Variants in ZNF395 observed in about 807,000 individuals in gnomAD.
ZNF395 encodes zinc finger protein 395.
A neutral mutation model predicts 57.7 loss-of-function variants in ZNF395; 20 were observed. That is an observed-to-expected ratio of 0.35 (90% CI 0.24 to 0.50). The LOEUF (loss-of-function observed/expected upper bound fraction) is 0.50, where lower values mean the gene tolerates loss of function less well. Among genes scored for constraint, ZNF395 ranks in the 20% least tolerant of loss-of-function variants. The pLI is 0.97. For synonymous variants in ZNF395, 295 were observed against 275.9 expected (o/e 1.07, Z -0.69); for missense variants, 606 against 671.2 (o/e 0.90, Z 1.07).
chr8:28,381,186 C>T (rs968663413), intron 1 of ZNF395, among the ~76,000 whole-genome samples: 1 of 152,216 alleles, frequency 6.6e-6, no homozygotes, highest in South Asian at 2.1e-4. Context: ...GGACTACAGG[C>T]GCCCACCACC....
chr8:28,355,539 A>G (rs1290214561), intron 4 of ZNF395, among the ~76,000 whole-genome samples: 1 of 151,930 alleles, frequency 6.6e-6, no homozygotes, highest in Non-Finnish European at 1.5e-5. Flanking sequence ...TTGTGTATGC[A>G]TGTATTATAC....
At chr8:28,382,865 A>G (rs1405413505) in intron 1 of ZNF395, among the ~76,000 whole-genome samples, 1 of 152,248 alleles carries the variant, frequency 6.6e-6, no homozygotes, top group Non-Finnish European at 1.5e-5. Flanking sequence ...GAGGTTTTTA[A>G]ATGAAAAATA....
chr8:28,369,137 AT>A (rs571228550), intron 1 of ZNF395, among the ~76,000 whole-genome samples: 15,911 of 136,708 alleles, frequency 0.12, 896 homozygotes, highest in East Asian at 0.3. Context: ...TGCCTGGCCA[AT>A]TTTTTTTTTT....
At chr8:28,363,718 T>G (rs1323472099) in intron 1 of ZNF395, among the ~76,000 whole-genome samples, 1 of 152,108 alleles carries the variant, frequency 6.6e-6, no homozygotes, top group Non-Finnish European at 1.5e-5. Flanking sequence ...GAAGAAAGGG[T>G]AGTATTTCCC....
At position 28,361,002 on chromosome 8, in the gene ZNF395, G is replaced by A. The variant is rs368064690; in HGVS notation, c.123C>T (p.Ala41=). 32 of 1,611,272 alleles carry A rather than the reference G, an allele frequency of 2.0e-5. No homozygotes were observed. The African/African-American group carries it at 2.4e-4, about 12-fold the overall frequency. Reference sequence around the variant, plus strand: ...CAGAGGTGGTGAAAGGCTGGGGAGCGGCCCCTTCTAGCAGTGGCTCCGAGG... The same window carrying A: ...CAGAGGTGGTGAAAGGCTGGGGAGCAGCCCCTTCTAGCAGTGGCTCCGAGG... ...APPSEPLLEG[A]APQPFTTSDD... The change falls in exon 2 of 10, where the codon GCC becomes GCT. Residue 41 remains alanine (A), a synonymous_variant. Transcript: ENST00000344423.
At chr8:28,376,330 C>T (rs1294360935) in intron 1 of ZNF395, among the ~76,000 whole-genome samples, 2 of 151,920 alleles carry the variant, frequency 1.3e-5, no homozygotes, top group Non-Finnish European at 2.9e-5. Flanking sequence ...TCATATTTTG[C>T]TTTTTTTAAA....
Position 28,352,512 on chromosome 8 carries a change from C to G in ZNF395, c.920+61G>C. On this transcript the variant is annotated intron_variant, in intron 6 of 9. Transcript: ENST00000344423. This position sits in a 1 kb window ranked among gnomAD's most constrained non-coding sequence, Gnocchi z 4.0. ...CTGTGGGCTGTGGGTCACAGGGACTCGGCAGGGTGGAGGGACACCCACACG... is the reference window on the plus strand; with the variant it reads ...CTGTGGGCTGTGGGTCACAGGGACTGGGCAGGGTGGAGGGACACCCACACG... 6.8e-7 allele frequency: 1 copy of G among 1,476,318 alleles called. No individual in the cohort carries two copies. The highest frequency in any genetic ancestry group is 2.3e-5 in the East Asian group (1 of 44,238). The allele number at this position is 1,476,318 out of a possible 1,614,324, so 91.5% of individuals were successfully genotyped here.
rs532906296 is a variant in ZNF395 at position 28,359,896 on chromosome 8, C to A, written c.241-72G>T. 2 of 1,539,742 alleles carry A rather than the reference C, an allele frequency of 1.3e-6. No individual in the cohort carries two copies. Among genetic ancestry groups the A allele is most frequent in the East Asian group, 4.6e-5 (2 of 43,452 alleles). ...CGCCCTGAAGTTCTCATGCACCCCACGTCCCAGGAGCCAGGATCTGCCTGC... is the reference window on the plus strand; with the variant it reads ...CGCCCTGAAGTTCTCATGCACCCCAAGTCCCAGGAGCCAGGATCTGCCTGC... On this transcript the variant is annotated intron_variant, in intron 2 of 9. Coordinates refer to ENST00000344423, the MANE Select transcript of ZNF395 (RefSeq NM_018660.3). The surrounding 1 kb of genome is among the most constrained non-coding windows in gnomAD (Gnocchi z 4.7).
At chr8:28,361,688 T>C (rs971191719) in intron 1 of ZNF395, among the ~76,000 whole-genome samples, 5 of 152,224 alleles carry the variant, frequency 3.3e-5, no homozygotes, top group African/African-American at 1.2e-4. Flanking sequence ...ACGGCTTCCG[T>C]AGGGCAACTT....
chr8:28,378,367 G>C lies in ZNF395; in HGVS notation c.-59+8026C>G, dbSNP rs1300038325. ...TGAGCCTCCGACATCAGCCTCCTAA[G>C]AGCTGGGACCATGGGCAGGTGTACC... On this transcript the variant is annotated intron_variant, in intron 1 of 9. Transcript: ENST00000344423. 2.0e-5 allele frequency among the ~76,000 whole-genome samples: 3 copies of C among 152,130 alleles called. No individual in the cohort carries two copies. In the East Asian group the frequency reaches 5.8e-4, roughly 29 times the overall value.
intron 1 of ZNF395, among the ~76,000 whole-genome samples, chr8:28,373,242 C>T (rs1801998170): frequency 1.3e-5 from 2 of 152,234 alleles, no homozygotes; most frequent in South Asian, 4.1e-4. Context: ...CACAACCGGC[C>T]ACAAAGCTGT....
rs1801728653 is a variant in ZNF395 at position 28,352,518 on chromosome 8, G to A, written c.920+55C>T. Reference sequence around the variant, plus strand: ...GCTGTGGGTCACAGGGACTCGGCAGGGTGGAGGGACACCCACACGCGACCC... The same window carrying A: ...GCTGTGGGTCACAGGGACTCGGCAGAGTGGAGGGACACCCACACGCGACCC... On this transcript the variant is annotated intron_variant, in intron 6 of 9. Transcript: ENST00000344423. The surrounding 1 kb of genome is among the most constrained non-coding windows in gnomAD (Gnocchi z 4.0). 2.6e-6 allele frequency: 4 copies of A among 1,509,836 alleles called. No individual in the cohort carries two copies. The highest frequency in any genetic ancestry group is 3.7e-6 in the Non-Finnish European group (4 of 1,088,902). The allele number at this position is 1,509,836 out of a possible 1,614,324, so 93.5% of individuals were successfully genotyped here.
intron 3 of ZNF395, among the ~76,000 whole-genome samples, chr8:28,357,678 C>G (rs909422578): frequency 2.0e-5 from 3 of 152,216 alleles, no homozygotes; most frequent in African/African-American, 7.2e-5. Context: ...TTTGTATGAT[C>G]TTTGAATTTT....
At chr8:28,379,592 G>A (rs768971288) in intron 1 of ZNF395, among the ~76,000 whole-genome samples, 41 of 152,090 alleles carry the variant, frequency 2.7e-4, no homozygotes, top group Non-Finnish European at 4.6e-4. Context: ...AAATCCCAAC[G>A]CTTTTTTTCT....
intron 7 of ZNF395, among the ~76,000 whole-genome samples, chr8:28,350,421 A>C (rs1801667517): frequency 6.6e-6 from 1 of 152,168 alleles, no homozygotes; most frequent in Non-Finnish European, 1.5e-5. Context: ...CTCATGACTT[A>C]ATCACCGCAG....
At chr8:28,358,873 G>C (rs935467015) in intron 3 of ZNF395, among the ~76,000 whole-genome samples, 1 of 152,210 alleles carries the variant, frequency 6.6e-6, no homozygotes, top group Non-Finnish European at 1.5e-5. Context: ...TGGCTGTTTG[G>C]ACACCACAGC....
chr8:28,351,396 G>C, intron 7 of ZNF395, 99 bp downstream of exon 7: 2 of 1,372,440 alleles, frequency 1.5e-6, no homozygotes, highest in Non-Finnish European at 2.0e-6. Context: ...TTTGGCCAAA[G>C]GGCTCAGCCT....
chr8:28,363,728 C>G (rs1030192272), intron 1 of ZNF395, among the ~76,000 whole-genome samples: 1 of 152,144 alleles, frequency 6.6e-6, no homozygotes, highest in Non-Finnish European at 1.5e-5. Flanking sequence ...TAGTATTTCC[C>G]AAATTCCTGG....
chr8:28,350,045 G>A lies in ZNF395; in HGVS notation c.1326+19C>T, dbSNP rs369593428. 3.2e-5 allele frequency: 50 copies of A among 1,570,948 alleles called. No individual in the cohort carries two copies. Among genetic ancestry groups the A allele is most frequent in the Non-Finnish European group, 3.8e-5 (44 of 1,165,320 alleles). The stretch of plus-strand genomic sequence containing the variant: ...CCCTCGGCCATACGAGGCCCCAGCC[G>A]TGCTGCCCGCACACTCACCGGAGAG... On this transcript the variant is annotated intron_variant, in intron 8 of 9. Coordinates refer to ENST00000344423, the MANE Select transcript of ZNF395 (RefSeq NM_018660.3).
Sources: gnomAD v4.1 joint callset for allele counts (sites outside exome capture counted in the v4.1 genomes callset) on GRCh38, gnomAD v4.1.1 for gene constraint, Gnocchi (gnomAD v3.1) non-coding constraint, MANE v1.5 for transcripts, NCBI Gene and HGNC (gene_info 2026-07-23, HGNC 2026-07-21) for gene names.